MCTP2: variants seen among roughly 807,000 people sequenced by gnomAD.
The protein encoded by MCTP2 is multiple C2 and transmembrane domain containing 2.
A neutral mutation model predicts 111.6 loss-of-function variants in MCTP2; 132 were observed. That is an observed-to-expected ratio of 1.18 (90% CI 1.03 to 1.37). The LOEUF (loss-of-function observed/expected upper bound fraction) is 1.37. Among genes scored for constraint, MCTP2 ranks in the 40% most tolerant of loss-of-function variants. The pLI is 0.00. For missense variants in MCTP2, 1,183 were observed against 1,067.9 expected (o/e 1.11, Z -1.50); for synonymous variants, 395 against 387.7 (o/e 1.02, Z -0.22).
chr15:94,266,848 G>T (rs1016751117), intron 1 of MCTP2, among the ~76,000 whole-genome samples: 29 of 152,222 alleles, frequency 1.9e-4, no homozygotes, highest in Admixed American at 1.9e-3. Flanking sequence ...TCAGAACAAT[G>T]TAAAACATTT....
chr15:94,253,883 T>C (rs2072601134), intron 1 of MCTP2, among the ~76,000 whole-genome samples: 1 of 152,124 alleles, frequency 6.6e-6, no homozygotes, highest in South Asian at 2.1e-4. Context: ...GGTGGTAGTA[T>C]AGCTCAATGG....
intron 19 of MCTP2, among the ~76,000 whole-genome samples, chr15:94,449,464 G>T (rs1365747565): frequency 6.6e-6 from 1 of 152,148 alleles, no homozygotes; most frequent in Non-Finnish European, 1.5e-5. Context: ...CTCCGTTATT[G>T]TGAAGGAAAC....
intron 17 of MCTP2, among the ~76,000 whole-genome samples, chr15:94,434,757 T>C (rs1220085912): frequency 3.9e-5 from 6 of 152,216 alleles, no homozygotes; most frequent in Admixed American, 3.9e-4. Context: ...ACTACTTTGC[T>C]ACAGCTTCAT....
chr15:94,264,871 G>A (rs1296886025), intron 1 of MCTP2, among the ~76,000 whole-genome samples: 1 of 152,096 alleles, frequency 6.6e-6, no homozygotes, highest in East Asian at 1.9e-4. Context: ...CAAACTAGGA[G>A]GTTTGGAAGA....
At chr15:94,422,794 T>G (rs1400875195) in intron 17 of MCTP2, among the ~76,000 whole-genome samples, 1 of 152,198 alleles carries the variant, frequency 6.6e-6, no homozygotes, top group Non-Finnish European at 1.5e-5. Context: ...CCTTTTTAAA[T>G]TTTTACCACT....
chr15:94,401,947 A>G lies in MCTP2; in HGVS notation c.2013A>G (p.Ile671Met), dbSNP rs147168181. 2 of 1,612,564 alleles carry G rather than the reference A, an allele frequency of 1.2e-6. No individual in the cohort carries two copies. Among genetic ancestry groups the G allele is most frequent in the African/African-American group, 1.3e-5 (1 of 75,032 alleles). The change falls in exon 17 of 23, where the codon ATA (isoleucine) becomes ATG (methionine). Residue 671 changes from isoleucine (I) to methionine (M), a missense_variant. Ile to Met is a conservative substitution (Grantham distance 10). Coordinates refer to ENST00000357742, the MANE Select transcript of MCTP2 (RefSeq NM_001385001.1). ...VDRVKRITMA[I>M]WNTMQFLKSC... The stretch of plus-strand genomic sequence containing the variant: ...GTGTGAAAAGAATCACTATGGCAAT[A>G]TGGAATACAATGCAGTTCCTTAAAA...
In MCTP2 at chr15:94,390,089, T is replaced by TATATATAC. The variant is rs1567602819; in HGVS notation, c.1788+4564_1788+4565insATATATAC. Among the ~76,000 whole-genome samples the TATATATAC allele has an allele frequency of 7.9e-3, 107 of 13,608 alleles. 2 individuals are homozygous for TATATATAC. The highest frequency in any genetic ancestry group is 0.015 in the African/African-American group (103 of 6,712). The allele number at this position is 13,608 out of a possible 152,430, so 8.9% of individuals were successfully genotyped here. On this transcript the variant is annotated intron_variant, in intron 14 of 22. Transcript: ENST00000357742. ...ATATATATATATATATATATATATATGTATATATATATATATATATATATG... is the reference window on the plus strand; with the variant it reads ...ATATATATATATATATATATATATATATATATACGTATATATATATATATATATATATG...
chr15:94,434,525 T>C (rs941307713), intron 17 of MCTP2, among the ~76,000 whole-genome samples: 1 of 152,182 alleles, frequency 6.6e-6, no homozygotes, highest in Admixed American at 6.5e-5. Flanking sequence ...GTATAATCCA[T>C]TTAGAGTTAA....
intron 17 of MCTP2, among the ~76,000 whole-genome samples, chr15:94,435,192 G>A (rs575985810): frequency 6.6e-6 from 1 of 152,162 alleles, no homozygotes; most frequent in East Asian, 1.9e-4. Flanking sequence ...TTTAGAATCA[G>A]GTTACCCATT....
chr15:94,313,575 C>T (rs1332211960), intron 2 of MCTP2, among the ~76,000 whole-genome samples: 1 of 152,092 alleles, frequency 6.6e-6, no homozygotes, highest in African/African-American at 2.4e-5. Context: ...GTTACAGGTG[C>T]CTGTAATCCC....
chr15:94,294,873 G>A (rs897217332), intron 1 of MCTP2, among the ~76,000 whole-genome samples: 2 of 151,186 alleles, frequency 1.3e-5, no homozygotes, highest in Non-Finnish European at 2.9e-5. Flanking sequence ...GTGGAGCCCA[G>A]GACTGTCTAC....
intron 1 of MCTP2, among the ~76,000 whole-genome samples, chr15:94,238,188 G>C (rs2070701131): frequency 1.3e-5 from 2 of 152,248 alleles, no homozygotes; most frequent in South Asian, 4.1e-4. Flanking sequence ...TACAGAGTTT[G>C]ACTCTTTTTT....
intron 1 of MCTP2, among the ~76,000 whole-genome samples, chr15:94,232,679 AT>A (rs2070270483): frequency 6.6e-6 from 1 of 152,138 alleles, no homozygotes; most frequent in African/African-American, 2.4e-5. Context: ...TAAGGCACTT[AT>A]TCCTCACAGG....
rs747342678 is a variant in MCTP2 at position 94,402,037 on chromosome 15, TG to T, written c.2085+19del. ...CATTCGCGGTAAGCTTCCTTTCTTA[TG>T]TTCAAACTATTTGCTTCTTATTTGC... On this transcript the variant is annotated intron_variant, in intron 17 of 22. Transcript: ENST00000357742. 4.4e-6 allele frequency: 7 copies of T among 1,607,208 alleles called. No homozygotes were observed. The African/African-American group carries it at 8.1e-5, about 18-fold the overall frequency.
intron 14 of MCTP2, among the ~76,000 whole-genome samples, chr15:94,389,272 GC>G (rs1447917819): frequency 6.6e-6 from 1 of 152,016 alleles, no homozygotes; most frequent in Non-Finnish European, 1.5e-5. Flanking sequence ...TAGGGGAAAG[GC>G]CGTGTCTGGG....
chr15:94,329,033 G>A (rs1469959310), intron 4 of MCTP2, among the ~76,000 whole-genome samples: 1 of 152,116 alleles, frequency 6.6e-6, no homozygotes, highest in East Asian at 1.9e-4. Context: ...AGGGCTCCAG[G>A]CACAAGGGTC....
intron 1 of MCTP2, among the ~76,000 whole-genome samples, chr15:94,236,391 T>TTTTTC (rs1567237863): frequency 7.1e-6 from 1 of 140,370 alleles, no homozygotes; most frequent in African/African-American, 2.7e-5. Flanking sequence ...TTTTTTTTTT[T>TTTTTC]TTTTTTTTTT....
At chr15:94,402,313 G>C (rs540019502) in intron 17 of MCTP2, 1 of 985,098 alleles carries the variant, frequency 1.0e-6, no homozygotes, top group East Asian at 1.1e-4. Context: ...CTGTGCCAGT[G>C]ACCGCCCATA....
rs570855556 is a variant in MCTP2 at position 94,457,770 on chromosome 15, G to C, written c.2251-367G>C. Among the ~76,000 whole-genome samples, 51 of 152,334 alleles carry C rather than the reference G, an allele frequency of 3.3e-4. 1 individual carries two copies. In the South Asian group the frequency reaches 0.01, roughly 30 times the overall value. On this transcript the variant is annotated intron_variant, in intron 19 of 22. Coordinates refer to ENST00000357742, the MANE Select transcript of MCTP2 (RefSeq NM_001385001.1). The stretch of plus-strand genomic sequence containing the variant: ...AGAACACTGATAGGAGAGGAGTAGG[G>C]TGAGCTTCAGAAAACCTGTGGAGAC...
Sources: gnomAD v4.1 joint callset for allele counts (sites outside exome capture counted in the v4.1 genomes callset) on GRCh38, gnomAD v4.1.1 for gene constraint, MANE v1.5 for transcripts, NCBI Gene and HGNC (gene_info 2026-07-23, HGNC 2026-07-21) for gene names.